Variants in GALNTL6 observed in about 807,000 individuals in gnomAD.
GALNTL6 encodes the protein polypeptide N-acetylgalactosaminyltransferase-like 6.
In GALNTL6, 46 loss-of-function variants were observed where a neutral mutation model predicts 73.7. The observed-to-expected ratio is 0.62, with a 90% confidence interval of 0.49 to 0.80. The LOEUF (loss-of-function observed/expected upper bound fraction) is 0.80, where lower values mean the gene tolerates loss of function less well. GALNTL6 is among the 30% of genes least tolerant of loss of function. The pLI is 0.00. For synonymous variants in GALNTL6, 259 were observed against 263.7 expected (o/e 0.98, Z 0.17); for missense variants, 604 against 755.0 (o/e 0.80, Z 2.34).
At chr4:172,246,628 C>A (rs976000712) in intron 3 of GALNTL6, among the ~76,000 whole-genome samples, 2 of 151,796 alleles carry the variant, frequency 1.3e-5, no homozygotes, top group African/African-American at 4.8e-5. Flanking sequence ...GTCACACTTA[C>A]AACAAAAATT....
At chr4:172,638,332 G>A (rs1489558747) in intron 5 of GALNTL6, among the ~76,000 whole-genome samples, 1 of 152,104 alleles carries the variant, frequency 6.6e-6, no homozygotes, top group Non-Finnish European at 1.5e-5. Flanking sequence ...CTGTAAATAT[G>A]TCAAAAGCAC....
chr4:173,006,056 G>T (rs1362589909), intron 10 of GALNTL6, among the ~76,000 whole-genome samples: 4 of 152,150 alleles, frequency 2.6e-5, no homozygotes, highest in Non-Finnish European at 5.9e-5. Flanking sequence ...AGTGTTCCTG[G>T]CTTGGGTATG....
At chr4:172,594,126 C>T (rs1345892213) in intron 5 of GALNTL6, among the ~76,000 whole-genome samples, 1 of 152,060 alleles carries the variant, frequency 6.6e-6, no homozygotes, top group Non-Finnish European at 1.5e-5. Flanking sequence ...GCGGGTGGAT[C>T]ACGAGGTCAG....
chr4:172,101,422 A>G lies in GALNTL6; in HGVS notation c.139-128234A>G, dbSNP rs572638702. Among the ~76,000 whole-genome samples, 10 of 152,304 alleles carry G rather than the reference A, an allele frequency of 6.6e-5. No homozygotes were observed. In the East Asian group the frequency reaches 1.7e-3, roughly 26 times the overall value. On this transcript the variant is annotated intron_variant, in intron 2 of 12. Transcript: ENST00000506823. ...CTTTGCATTACTGTTCTAACATTCTAATTCTCACTCAGGAGATTTGGATTC... is the reference window on the plus strand; with the variant it reads ...CTTTGCATTACTGTTCTAACATTCTGATTCTCACTCAGGAGATTTGGATTC...
At chr4:172,476,015 G>A (rs535852493) in intron 5 of GALNTL6, among the ~76,000 whole-genome samples, 2 of 152,318 alleles carry the variant, frequency 1.3e-5, no homozygotes, top group East Asian at 3.9e-4. Flanking sequence ...AATACTATAA[G>A]TGATGGCAGC....
intron 5 of GALNTL6, among the ~76,000 whole-genome samples, chr4:172,434,866 C>G (rs1318229555): frequency 6.6e-6 from 1 of 152,074 alleles, no homozygotes; most frequent in African/African-American, 2.4e-5. Flanking sequence ...GCATCATATT[C>G]CATAGTCTTT....
intron 2 of GALNTL6, among the ~76,000 whole-genome samples, chr4:172,103,980 T>G (rs1732600905): frequency 6.6e-6 from 1 of 151,746 alleles, no homozygotes; most frequent in Non-Finnish European, 1.5e-5. Context: ...GTCTCGCTCT[T>G]TTGCCCAGGC....
intron 4 of GALNTL6, among the ~76,000 whole-genome samples, chr4:172,320,785 A>C (rs1740730207): frequency 1.3e-5 from 2 of 152,196 alleles, no homozygotes; most frequent in African/African-American, 2.4e-5. Flanking sequence ...ATGGTCAGGA[A>C]AGAGAGGAAG....
chr4:172,836,652 T>A (rs775016664), intron 7 of GALNTL6, among the ~76,000 whole-genome samples: 2 of 152,256 alleles, frequency 1.3e-5, no homozygotes, highest in Non-Finnish European at 2.9e-5. Context: ...AATGCAACTT[T>A]AATCAGACAT....
At chr4:172,065,388 T>A (rs1003779536) in intron 2 of GALNTL6, among the ~76,000 whole-genome samples, 2 of 152,114 alleles carry the variant, frequency 1.3e-5, no homozygotes, top group African/African-American at 2.4e-5. Flanking sequence ...GCGCATTTCC[T>A]AACAGGCCAC....
intron 2 of GALNTL6, among the ~76,000 whole-genome samples, chr4:171,858,426 A>C (rs1481529774): frequency 6.7e-6 from 1 of 150,340 alleles, no homozygotes; most frequent in Non-Finnish European, 1.5e-5. Flanking sequence ...AGGGGAAGAA[A>C]TGGGCAAACA....
In GALNTL6 at chr4:172,952,091, C is replaced by CCAGAAGG; in HGVS notation, c.1204_1205insCAGAAGG (p.Gln402ProfsTer44). 1.9e-6 allele frequency: 3 copies of CCAGAAGG among 1,614,126 alleles called. No individual in the cohort carries two copies. In the South Asian group the frequency reaches 3.3e-5, roughly 18 times the overall value. The stretch of plus-strand genomic sequence containing the variant: ...GGATGAATTTGCCGAGTACATTTAC[C>CCAGAAGG]AGCGGCGGCCGGAGTACAGGCATCT... On this transcript the variant is annotated frameshift_variant, in exon 10 of 13. Coordinates refer to ENST00000506823, the MANE Select transcript of GALNTL6 (RefSeq NM_001034845.3). LOFTEE classifies it high-confidence loss of function.
At chr4:172,675,322 C>G (rs1195770129) in intron 5 of GALNTL6, among the ~76,000 whole-genome samples, 1 of 152,306 alleles carries the variant, frequency 6.6e-6, no homozygotes, top group Admixed American at 6.5e-5. Flanking sequence ...CACTGGCTCC[C>G]CAAGGTTTGG....
intron 5 of GALNTL6, among the ~76,000 whole-genome samples, chr4:172,516,619 C>T (rs1365690968): frequency 6.6e-6 from 1 of 151,994 alleles, no homozygotes; most frequent in Non-Finnish European, 1.5e-5. Context: ...TTATATTTGT[C>T]AATTTTACCT....
chr4:172,047,401 A>T (rs115044537), intron 2 of GALNTL6, among the ~76,000 whole-genome samples: 3,477 of 152,292 alleles, frequency 0.023, 58 homozygotes, highest in Non-Finnish European at 0.03. Flanking sequence ...GAAATGGGAG[A>T]CTGCACACCA....
chr4:172,848,957 CT>C (rs1347096692), intron 7 of GALNTL6, among the ~76,000 whole-genome samples: 1 of 152,070 alleles, frequency 6.6e-6, no homozygotes, highest in African/African-American at 2.4e-5. Context: ...CAGTGAGAAT[CT>C]TCATCATTAA....
chr4:172,160,356 A>T (rs72700968), intron 2 of GALNTL6, among the ~76,000 whole-genome samples: 1 of 152,070 alleles, frequency 6.6e-6, no homozygotes, highest in Middle Eastern at 3.2e-3. Context: ...AAAGAAAAAA[A>T]AAAATAGCAG....
chr4:173,005,954 G>A (rs1179161402), intron 10 of GALNTL6, among the ~76,000 whole-genome samples: 2 of 152,116 alleles, frequency 1.3e-5, no homozygotes, highest in African/African-American at 4.8e-5. Context: ...CCTGCCAGAG[G>A]CCTTTTGAGC....
At chr4:171,871,546 T>C (rs930373998) in intron 2 of GALNTL6, among the ~76,000 whole-genome samples, 1 of 152,120 alleles carries the variant, frequency 6.6e-6, no homozygotes, top group Non-Finnish European at 1.5e-5. Context: ...TCATTAACCT[T>C]CAGCATGACA....
Sources: gnomAD v4.1 joint callset for allele counts (sites outside exome capture counted in the v4.1 genomes callset) on GRCh38, gnomAD v4.1.1 for gene constraint, MANE v1.5 for transcripts, NCBI Gene and HGNC (gene_info 2026-07-23, HGNC 2026-07-21) for gene names.